The following ZNF385D variants were observed in gnomAD, a reference collection of about 807,000 sequenced individuals.
ZNF385D encodes the protein zinc finger protein 385D.
Under a neutral mutation model 35.8 loss-of-function variants are expected in ZNF385D, and 15 were observed. The ratio of observed to expected loss-of-function variants is 0.42; its 90% CI spans 0.28 to 0.64. ZNF385D has a LOEUF of 0.64. ZNF385D is among the 30% of genes least tolerant of loss of function. The pLI, the probability that ZNF385D is intolerant of heterozygous loss-of-function variation, is 0.23. For missense variants in ZNF385D, 474 were observed against 494.6 expected (o/e 0.96, Z 0.39); for synonymous variants, 212 against 186.8 (o/e 1.13, Z -1.10).
At chr3:21,793,667 C>T (rs1033002959) in intron 3 of ZNF385D, among the ~76,000 whole-genome samples, 1 of 152,104 alleles carries the variant, frequency 6.6e-6, no homozygotes, top group South Asian at 2.1e-4. Flanking sequence ...AGTTGTAAAG[C>T]GATGGGAGCA....
At chr3:22,123,866 A>AAACC (rs1703243200) in intron 3 of ZNF385D, among the ~76,000 whole-genome samples, 1 of 146,532 alleles carries the variant, frequency 6.8e-6, no homozygotes. Flanking sequence ...CTGTCTCAGA[A>AAACC]AAACCAAACC....
intron 3 of ZNF385D, among the ~76,000 whole-genome samples, chr3:21,807,415 A>G (rs1373718393): frequency 1.3e-5 from 2 of 152,194 alleles, no homozygotes. Context: ...AAACAATTGC[A>G]ATCATTTATG....
chr3:21,564,438 T>C, intron 3 of ZNF385D, 136 bp downstream of exon 3: 2 of 473,526 alleles, frequency 4.2e-6, no homozygotes, highest in Non-Finnish European at 7.2e-6. Context: ...AAGCACATAG[T>C]GAGTTAAAAT....
intron 3 of ZNF385D, among the ~76,000 whole-genome samples, chr3:21,921,962 T>C (rs576360590): frequency 2.0e-5 from 3 of 152,120 alleles, no homozygotes; most frequent in South Asian, 2.1e-4. Flanking sequence ...TTTCAAAAAA[T>C]TGAGGAGGAA....
intron 2 of ZNF385D, among the ~76,000 whole-genome samples, chr3:21,575,082 T>G (rs2063456028): frequency 1.3e-5 from 2 of 152,212 alleles, no homozygotes; most frequent in Non-Finnish European, 2.9e-5. Context: ...TGGATTTCTG[T>G]TATAAAATTT....
intron 4 of ZNF385D, among the ~76,000 whole-genome samples, chr3:21,489,950 A>G (rs1290953810): frequency 6.6e-6 from 1 of 152,160 alleles, no homozygotes; most frequent in Non-Finnish European, 1.5e-5. Flanking sequence ...AGAGGCTACC[A>G]TTCATCCTTT....
intron 3 of ZNF385D, among the ~76,000 whole-genome samples, chr3:21,919,599 C>T (rs774096660): frequency 2.6e-5 from 4 of 152,204 alleles, no homozygotes; most frequent in Non-Finnish European, 5.9e-5. Context: ...GCATGATTCA[C>T]ATGCATATTA....
At chr3:22,100,489 AT>A (rs1444392441) in intron 3 of ZNF385D, among the ~76,000 whole-genome samples, 2 of 151,944 alleles carry the variant, frequency 1.3e-5, no homozygotes, top group African/African-American at 2.4e-5. Context: ...TACACCATGG[AT>A]ATACTATGCA....
intron 2 of ZNF385D, among the ~76,000 whole-genome samples, chr3:21,602,517 C>CCTTTT (rs2064333283): frequency 1.6e-5 from 1 of 62,710 alleles, no homozygotes; most frequent in African/African-American, 7.6e-5. Context: ...CCTGCATTTT[C>CCTTTT]TTTTTTTTTT....
intron 2 of ZNF385D, among the ~76,000 whole-genome samples, chr3:21,594,572 T>G (rs770031847): frequency 6.6e-5 from 10 of 152,110 alleles, no homozygotes; most frequent in South Asian, 4.1e-4. Context: ...AACGGGATTG[T>G]GGGGGCCTGA....
rs1047843908 is a variant in ZNF385D at position 22,139,488 on chromosome 3, C to T, written c.325+29329G>A. 5.3e-5 allele frequency among the ~76,000 whole-genome samples: 8 copies of T among 152,028 alleles called. 1 individual carries two copies. Among genetic ancestry groups the T allele is most frequent in the African/African-American group, 1.9e-4 (8 of 41,448 alleles). The stretch of plus-strand genomic sequence containing the variant: ...TAGGGACATGGATGAAGCTGGAAAC[C>T]ATCATTCTCAGCAAACTATTGCAAG... On this transcript the variant is annotated intron_variant, in intron 3 of 5. Coordinates refer to the ZNF385D transcript ENST00000494108.
intron 3 of ZNF385D, among the ~76,000 whole-genome samples, chr3:21,991,147 TGTCA>T (rs1695124889): frequency 6.6e-6 from 1 of 152,218 alleles, no homozygotes; most frequent in Non-Finnish European, 1.5e-5. Context: ...TTTCCTTTGC[TGTCA>T]GTGTTTTATG....
intron 3 of ZNF385D, among the ~76,000 whole-genome samples, chr3:22,167,628 G>A (rs1302381483): frequency 6.6e-6 from 1 of 152,202 alleles, no homozygotes; most frequent in Non-Finnish European, 1.5e-5. Context: ...AGAAACAGCA[G>A]TGGGGCAGAG....
chr3:22,139,001 G>A (rs1183729767), intron 3 of ZNF385D, among the ~76,000 whole-genome samples: 2 of 152,066 alleles, frequency 1.3e-5, no homozygotes, highest in African/African-American at 2.4e-5. Flanking sequence ...TCAAAAAGTG[G>A]GCAAAGGATA....
chr3:22,076,868 T>G (rs930958157), intron 3 of ZNF385D, among the ~76,000 whole-genome samples: 2 of 151,954 alleles, frequency 1.3e-5, no homozygotes, highest in African/African-American at 4.8e-5. Context: ...TAAAATTCTG[T>G]ATGACTGTAA....
chr3:22,355,915 C>G (rs1696127438), intron 2 of ZNF385D, among the ~76,000 whole-genome samples: 1 of 151,896 alleles, frequency 6.6e-6, no homozygotes, highest in African/African-American at 2.4e-5. Flanking sequence ...ACATGAAAAG[C>G]TGTGTTACAG....
At chr3:21,884,345 G>A (rs778486636) in intron 3 of ZNF385D, among the ~76,000 whole-genome samples, 80 of 151,958 alleles carry the variant, frequency 5.3e-4, no homozygotes, top group African/African-American at 1.5e-3. Flanking sequence ...CCATCCCTTC[G>A]CTGGAATTGT....
chr3:22,346,232 T>C (rs1695653475), intron 2 of ZNF385D, among the ~76,000 whole-genome samples: 1 of 152,130 alleles, frequency 6.6e-6, no homozygotes, highest in African/African-American at 2.4e-5. Flanking sequence ...TACCACTTTC[T>C]TCAGCTCAAA....
intron 3 of ZNF385D, among the ~76,000 whole-genome samples, chr3:21,887,228 T>C (rs982489170): frequency 6.6e-6 from 1 of 152,176 alleles, no homozygotes; most frequent in Admixed American, 6.6e-5. Context: ...TCAAAGATAT[T>C]TGGGCTTGTG....
Sources: gnomAD v4.1 joint callset for allele counts (sites outside exome capture counted in the v4.1 genomes callset) on GRCh38, gnomAD v4.1.1 for gene constraint, MANE v1.5 for transcripts, NCBI Gene and HGNC (gene_info 2026-07-23, HGNC 2026-07-21) for gene names.